Variants in ZDHHC11B observed in about 807,000 individuals in gnomAD.
ZDHHC11B encodes probable palmitoyltransferase ZDHHC11B.
Under a neutral mutation model 42.3 loss-of-function variants are expected in ZDHHC11B, and 17 were observed. That is an observed-to-expected ratio of 0.40 (90% CI 0.27 to 0.60). The LOEUF is 0.60. Ranked by LOEUF, ZDHHC11B falls within the 20% of genes least tolerant of loss-of-function variation. The pLI is 0.41. For synonymous variants in ZDHHC11B, 123 were observed against 193.5 expected (o/e 0.64, Z 3.02); for missense variants, 262 against 463.2 (o/e 0.57, Z 3.99).
chr5:766,498 C>G (rs1360037131), intron 4 of ZDHHC11B, among the ~76,000 whole-genome samples, 200 bp downstream of exon 4: 8 of 151,842 alleles, frequency 5.3e-5, no homozygotes, highest in Admixed American at 2.6e-4. Context: ...GTGGGGTCAG[C>G]AGCTGTCCTG....
intron 7 of ZDHHC11B, among the ~76,000 whole-genome samples, chr5:750,496 A>G (rs1745467574): frequency 7.7e-6 from 1 of 130,450 alleles, no homozygotes; most frequent in Non-Finnish European, 1.7e-5. Flanking sequence ...TCCCTGGGAC[A>G]TCCCAGCATG....
Position 710,491 on chromosome 5 carries a change from T to A in ZDHHC11B, c.*1799A>T, listed in dbSNP as rs1741275558. On this transcript the variant is annotated 3_prime_UTR_variant, in exon 14 of 14. Coordinates refer to ENST00000508859, the MANE Select transcript of ZDHHC11B (RefSeq NM_001351303.2). Reference sequence around the variant, plus strand: ...TCTGGTATTGACTCTTTTTGTCTACTAAGATAAGAAGTCTGGGCTAGACTG... The same window carrying A: ...TCTGGTATTGACTCTTTTTGTCTACAAAGATAAGAAGTCTGGGCTAGACTG... 1 of 154,964 alleles carries A rather than the reference T, an allele frequency of 6.5e-6. No individual in the cohort carries two copies. The highest frequency in any genetic ancestry group is 6.6e-5 in the Admixed American group (1 of 15,266). The allele number at this position is 154,964 out of a possible 1,614,324, so 9.6% of individuals were successfully genotyped here.
chr5:713,269 T>G lies in ZDHHC11B; in HGVS notation c.*8-987A>C, dbSNP rs139966637. Among the ~76,000 whole-genome samples the G allele has an allele frequency of 5.8e-3, 876 of 152,042 alleles. 13 individuals carry two copies. Among genetic ancestry groups the G allele is most frequent in the African/African-American group, 0.02 (831 of 41,418 alleles). ...CACTTTTCAACTGTCTATTTTGTTGTTAAATCCATCCACTTTAAAAAAATC... is the reference window on the plus strand; with the variant it reads ...CACTTTTCAACTGTCTATTTTGTTGGTAAATCCATCCACTTTAAAAAAATC... On this transcript the variant is annotated intron_variant, in intron 13 of 13. Transcript: ENST00000508859.
intron 11 of ZDHHC11B, among the ~76,000 whole-genome samples, chr5:733,193 C>T (rs1053722024): frequency 6.7e-6 from 1 of 149,188 alleles, no homozygotes; most frequent in African/African-American, 2.5e-5. Context: ...GTAACAAACA[C>T]ACACCATTCA....
At chr5:722,526 G>A (rs1742266332) in intron 12 of ZDHHC11B, among the ~76,000 whole-genome samples, 1 of 151,548 alleles carries the variant, frequency 6.6e-6, no homozygotes, top group Non-Finnish European at 1.5e-5. Context: ...TCAATTCCAA[G>A]TGTTGGAGAG....
intron 7 of ZDHHC11B, among the ~76,000 whole-genome samples, chr5:748,837 T>G (rs73730932): frequency 0.036 from 4,621 of 127,514 alleles, 294 homozygotes; most frequent in East Asian, 0.22. Context: ...CTTCCTAAGT[T>G]CTGGGGTCAC....
chr5:719,209 T>C (rs1217476111), intron 12 of ZDHHC11B, among the ~76,000 whole-genome samples: 1 of 151,720 alleles, frequency 6.6e-6, no homozygotes, highest in Non-Finnish European at 1.5e-5. Context: ...AGCACTTGAT[T>C]TTTAGAGATA....
In ZDHHC11B at chr5:716,882, G is replaced by A. The variant is rs768698304; in HGVS notation, c.1059-17C>T. On this transcript the variant is annotated splice_polypyrimidine_tract_variant and intron_variant, in intron 12 of 13. Coordinates refer to ENST00000508859, the MANE Select transcript of ZDHHC11B (RefSeq NM_001351303.2). ...TGTTGCAGCCTGTTTGCAATATTCA[G>A]AAAGAGAGACAACAGAGAACGTATG... The A allele has an allele frequency of 3.7e-6, 6 of 1,612,792 alleles. No homozygotes were observed. In the South Asian group the frequency reaches 6.6e-5, roughly 18 times the overall value.
chr5:711,967 G>C lies in ZDHHC11B; in HGVS notation c.*323C>G, dbSNP rs1732805253. On this transcript the variant is annotated 3_prime_UTR_variant, in exon 14 of 14. Coordinates refer to ENST00000508859, the MANE Select transcript of ZDHHC11B (RefSeq NM_001351303.2). Reference sequence around the variant, plus strand: ...AAGAGGCCCTGCAGCTGGCTGGCTGGCTGGACAGCACAGTTAAGCAGGTGG... The same window carrying C: ...AAGAGGCCCTGCAGCTGGCTGGCTGCCTGGACAGCACAGTTAAGCAGGTGG... 1 of 136,338 alleles carries C rather than the reference G, an allele frequency of 7.3e-6. No individual in the cohort carries two copies. 8.4% of individuals were successfully genotyped at this position (136,338 alleles called of 1,614,324 possible). A position where few individuals can be genotyped will look rare whatever the true frequency, so the allele number is the denominator to read the frequency against.
chr5:723,240 G>T (rs1742322743), intron 12 of ZDHHC11B, among the ~76,000 whole-genome samples: 1 of 146,098 alleles, frequency 6.8e-6, no homozygotes, highest in African/African-American at 2.6e-5. Flanking sequence ...GTGTGACTCT[G>T]GGCACCTGGG....
chr5:737,605 T>C lies in ZDHHC11B; in HGVS notation c.936-3766A>G, dbSNP rs1208646354. Reference sequence around the variant, plus strand: ...GCATAGCAAAAAGATAATAACACCATAGTCAAGTGGGTTTCATACCACGTA... The same window carrying C: ...GCATAGCAAAAAGATAATAACACCACAGTCAAGTGGGTTTCATACCACGTA... On this transcript the variant is annotated intron_variant, in intron 10 of 13. Transcript: ENST00000508859. Among the ~76,000 whole-genome samples the C allele has an allele frequency of 2.1e-4, 32 of 149,512 alleles. 1 individual carries two copies. The highest frequency in any genetic ancestry group is 3.7e-4 in the Non-Finnish European group (25 of 67,708).
At position 745,182 on chromosome 5, in the gene ZDHHC11B, C is replaced by A. The variant is rs780237127; in HGVS notation, c.900+1G>T. ...AAAAGGAGCAGAGAGACAGGTGGTACCTGGAGAAATCCTTTGTCCATTTGC... is the reference window on the plus strand; with the variant it reads ...AAAAGGAGCAGAGAGACAGGTGGTAACTGGAGAAATCCTTTGTCCATTTGC... On this transcript the variant is annotated splice_donor_variant, in intron 9 of 13. Coordinates refer to ENST00000508859, the MANE Select transcript of ZDHHC11B (RefSeq NM_001351303.2). LOFTEE classifies it high-confidence loss of function. The A allele has an allele frequency of 2.5e-6, 3 of 1,193,410 alleles. 1 individual carries two copies. Among genetic ancestry groups the A allele is most frequent in the Non-Finnish European group, 3.6e-6 (3 of 828,876 alleles). 73.9% of individuals were successfully genotyped at this position (1,193,410 alleles called of 1,614,324 possible).
chr5:762,218 C>T (rs1471853019), intron 4 of ZDHHC11B, among the ~76,000 whole-genome samples: 2 of 79,466 alleles, frequency 2.5e-5, no homozygotes, highest in Admixed American at 1.2e-4. Context: ...CCCGGCCAGC[C>T]ACTCACAGCC....
At chr5:745,662 C>T (rs1288130819) in intron 8 of ZDHHC11B, among the ~76,000 whole-genome samples, 2 of 150,068 alleles carry the variant, frequency 1.3e-5, no homozygotes, top group Non-Finnish European at 3.0e-5. Context: ...GCTCCAGATG[C>T]CCTGGGATTG....
At chr5:777,792 G>A (rs1736653619) in intron 1 of ZDHHC11B, among the ~76,000 whole-genome samples, 1 of 151,976 alleles carries the variant, frequency 6.6e-6, no homozygotes, top group African/African-American at 2.4e-5. Flanking sequence ...CCCGCAGCAG[G>A]CGGAGCTGCC....
At chr5:774,155 A>C (rs1736275630) in intron 1 of ZDHHC11B, among the ~76,000 whole-genome samples, 1 of 152,058 alleles carries the variant, frequency 6.6e-6, no homozygotes, top group African/African-American at 2.4e-5. Flanking sequence ...TCCTGTTCCC[A>C]AGAGGCCCCA....
At position 711,068 on chromosome 5, in the gene ZDHHC11B, C is replaced by G. The variant is rs1291403233; in HGVS notation, c.*1222G>C. The stretch of plus-strand genomic sequence containing the variant: ...AGTACTGTGCTCCCATTTCCCAATG[C>G]TATGCTCCCATTTCCCAGTGCTGTG... On this transcript the variant is annotated 3_prime_UTR_variant, in exon 14 of 14. Transcript: ENST00000508859. 6.5e-6 allele frequency: 1 copy of G among 153,666 alleles called. No individual in the cohort carries two copies. The highest frequency in any genetic ancestry group is 1.5e-5 in the Non-Finnish European group (1 of 68,604). The allele number at this position is 153,666 out of a possible 1,614,324, so 9.5% of individuals were successfully genotyped here.
chr5:744,268 A>G (rs1332621284), intron 9 of ZDHHC11B, among the ~76,000 whole-genome samples: 1 of 149,742 alleles, frequency 6.7e-6, no homozygotes, highest in Non-Finnish European at 1.5e-5. Flanking sequence ...TCCTGAATGT[A>G]TTGGCTTACG....
At chr5:765,885 G>A (rs907819934) in intron 4 of ZDHHC11B, among the ~76,000 whole-genome samples, 2 of 151,930 alleles carry the variant, frequency 1.3e-5, no homozygotes, top group Admixed American at 1.3e-4. Context: ...GTGAGACCAA[G>A]AACCCACCAG....
Sources: gnomAD v4.1 joint callset for allele counts (sites outside exome capture counted in the v4.1 genomes callset) on GRCh38, gnomAD v4.1.1 for gene constraint, MANE v1.5 for transcripts, NCBI Gene and HGNC (gene_info 2026-07-23, HGNC 2026-07-21) for gene names.